COL19A1: variants seen among roughly 807,000 people sequenced by gnomAD.
COL19A1 encodes collagen alpha-1(XIX) chain.
In COL19A1, 159 loss-of-function variants were observed where a neutral mutation model predicts 190.2. The ratio of observed to expected loss-of-function variants is 0.84; its 90% CI spans 0.73 to 0.95. The LOEUF is 0.95. Among genes scored for constraint, COL19A1 ranks in the 40% least tolerant of loss-of-function variants. The pLI is 0.00. For synonymous variants in COL19A1, 509 were observed against 458.9 expected, an observed-to-expected ratio of 1.11 and a Z score of -1.39; for missense variants, 1,418 against 1,431.9, an observed-to-expected ratio of 0.99 and a Z score of 0.16.
chr6:69,946,863 G>A (rs9446176), intron 9 of COL19A1, among the ~76,000 whole-genome samples: 25,593 of 151,750 alleles, frequency 0.17, 2,810 homozygotes, highest in African/African-American at 0.3. Context: ...ATAGTTTAGA[G>A]GTAATCAAAC....
intron 15 of COL19A1, among the ~76,000 whole-genome samples, chr6:70,084,816 G>A (rs1308268106): frequency 6.6e-6 from 1 of 152,086 alleles, no homozygotes; most frequent in Non-Finnish European, 1.5e-5. Flanking sequence ...TGTATATCTG[G>A]TTCCTTGAAA....
At chr6:70,046,793 AT>A (rs1301948843) in intron 14 of COL19A1, among the ~76,000 whole-genome samples, 4 of 152,194 alleles carry the variant, frequency 2.6e-5, no homozygotes, top group Non-Finnish European at 5.9e-5. Context: ...CATTCTAATC[AT>A]AAAAATGTGA....
At chr6:70,063,281 C>G (rs1304701956) in intron 14 of COL19A1, among the ~76,000 whole-genome samples, 2 of 152,184 alleles carry the variant, frequency 1.3e-5, no homozygotes, top group Non-Finnish European at 2.9e-5. Context: ...AACAAACTGT[C>G]TCTCAGACCA....
At chr6:70,016,366 T>TAAAAAAAAAAAAAAAA (rs752043571) in intron 11 of COL19A1, among the ~76,000 whole-genome samples, 2 of 37,646 alleles carry the variant, frequency 5.3e-5, no homozygotes, top group African/African-American at 2.8e-4. Context: ...TAGAGTATAA[T>TAAAAAAAAAAAAAAAA]AAAAAAAAAA....
chr6:69,968,219 C>G (rs549786842), intron 11 of COL19A1, among the ~76,000 whole-genome samples: 137 of 152,216 alleles, frequency 9.0e-4, no homozygotes, highest in African/African-American at 3.2e-3. Flanking sequence ...TAGAAAATGT[C>G]TTCACTTATC....
At chr6:70,170,207 A>C (rs1415932746) in intron 40 of COL19A1, among the ~76,000 whole-genome samples, 1 of 152,124 alleles carries the variant, frequency 6.6e-6, no homozygotes, top group East Asian at 1.9e-4. Context: ...GAAACTTTGA[A>C]GTTACTCTTT....
intron 12 of COL19A1, among the ~76,000 whole-genome samples, chr6:70,030,054 A>T (rs1039125730): frequency 2.6e-5 from 4 of 152,172 alleles, no homozygotes; most frequent in African/African-American, 7.2e-5. Context: ...TGAAATCCAC[A>T]TCTGTGAAGT....
At chr6:69,992,554 A>C (rs1474064779) in intron 11 of COL19A1, among the ~76,000 whole-genome samples, 2 of 152,110 alleles carry the variant, frequency 1.3e-5, no homozygotes, top group African/African-American at 2.4e-5. Context: ...TAATATGGCT[A>C]TTTTAACAAT....
chr6:70,151,367 A>G, intron 30 of COL19A1, 30 bp from the exon 31 acceptor site: 1 of 1,607,814 alleles, frequency 6.2e-7, no homozygotes, highest in Non-Finnish European at 8.5e-7. Context: ...ATATAAATGC[A>G]TGTATTTGGT....
At chr6:70,052,870 T>C (rs1235685465) in intron 14 of COL19A1, among the ~76,000 whole-genome samples, 4 of 152,226 alleles carry the variant, frequency 2.6e-5, no homozygotes, top group African/African-American at 9.6e-5. Context: ...CCACCATTTA[T>C]TTACCATGTT....
chr6:70,056,141 C>T (rs941050640), intron 14 of COL19A1, among the ~76,000 whole-genome samples: 2 of 151,968 alleles, frequency 1.3e-5, no homozygotes, highest in Non-Finnish European at 2.9e-5. Context: ...TTTACTCCTT[C>T]GTTTATGTGA....
In COL19A1 at chr6:70,109,686, C is replaced by T. The variant is rs138942366; in HGVS notation, c.1278+7464C>T. On this transcript the variant is annotated intron_variant, in intron 16 of 50. Coordinates refer to ENST00000620364, the MANE Select transcript of COL19A1 (RefSeq NM_001858.6). The stretch of plus-strand genomic sequence containing the variant: ...TTGTTTTTAGCCCATTATCTTTAGT[C>T]TTTGAGTGGACGGGGAATAGGCTTG... Among the ~76,000 whole-genome samples, 85 of 151,932 alleles carry T rather than the reference C, an allele frequency of 5.6e-4. 2 individuals are homozygous for T. The East Asian group carries it at 0.015, about 28-fold the overall frequency.
At chr6:70,163,465 C>A (rs1008846779) in intron 36 of COL19A1, 69 bp downstream of exon 36, 3 of 1,386,772 alleles carry the variant, frequency 2.2e-6, no homozygotes, top group Non-Finnish European at 3.0e-6. Context: ...AGACTCTTCA[C>A]AGAGAGAGCC....
chr6:69,957,086 T>C (rs1208455477), intron 9 of COL19A1, among the ~76,000 whole-genome samples: 1 of 152,092 alleles, frequency 6.6e-6, no homozygotes, highest in Admixed American at 6.6e-5. Context: ...TTGCAAACTA[T>C]AGCCCTAGGG....
chr6:70,111,517 T>C (rs561833322), intron 16 of COL19A1, among the ~76,000 whole-genome samples: 24 of 152,348 alleles, frequency 1.6e-4, no homozygotes, highest in Admixed American at 1.4e-3. Flanking sequence ...TATTATTTTC[T>C]GTACTTTTCA....
At chr6:69,911,336 A>G (rs1770898488) in intron 4 of COL19A1, among the ~76,000 whole-genome samples, 1 of 152,250 alleles carries the variant, frequency 6.6e-6, no homozygotes, top group African/African-American at 2.4e-5. Flanking sequence ...AGTTTCCTAC[A>G]TCTTGTTCAT....
intron 11 of COL19A1, among the ~76,000 whole-genome samples, chr6:69,966,129 C>T (rs887692349): frequency 1.3e-5 from 2 of 152,164 alleles, no homozygotes; most frequent in African/African-American, 4.8e-5. Flanking sequence ...TCTTACATTA[C>T]ATTAGAAGCC....
At chr6:69,891,083 A>C (rs1769313314) in intron 2 of COL19A1, 1 of 289,610 alleles carries the variant, frequency 3.5e-6, no homozygotes. Flanking sequence ...AAGAACAGAC[A>C]AACCCATTTG....
At chr6:69,991,872 T>G (rs957339196) in intron 11 of COL19A1, among the ~76,000 whole-genome samples, 2 of 152,076 alleles carry the variant, frequency 1.3e-5, no homozygotes, top group African/African-American at 4.8e-5. Flanking sequence ...ATTTTTTGTT[T>G]GTTTTTTGCT....
Sources: allele counts gnomAD v4.1 joint callset (sites outside exome capture counted in the v4.1 genomes callset), GRCh38; gene constraint gnomAD v4.1.1; transcripts MANE v1.5; gene names NCBI Gene and HGNC (gene_info 2026-07-23, HGNC 2026-07-21).